Variants in UGGT2 observed in about 807,000 individuals in gnomAD.
The protein encoded by UGGT2 is UDP-glucose glycoprotein glucosyltransferase 2.
In UGGT2, 180 loss-of-function variants were observed where a neutral mutation model predicts 192.1. The ratio of observed to expected loss-of-function variants is 0.94; its 90% CI spans 0.83 to 1.06. The LOEUF (loss-of-function observed/expected upper bound fraction) is 1.06, where lower values mean the gene tolerates loss of function less well. Ranked by LOEUF, UGGT2 falls within the 50% of genes least tolerant of loss-of-function variation. The pLI is 0.00. For missense variants in UGGT2, 1,849 were observed against 1,795.7 expected (o/e 1.03, Z -0.54); for synonymous variants, 580 against 591.0 (o/e 0.98, Z 0.27).
chr13:95,931,806 G>A (rs9556509), intron 17 of UGGT2, among the ~76,000 whole-genome samples: 55,430 of 151,850 alleles, frequency 0.37, 10,439 homozygotes, highest in Middle Eastern at 0.42. Context: ...CCTGGTTCCC[G>A]CCCGCGCCTC....
chr13:96,028,696 T>TATTTACA (rs1054861482), intron 2 of UGGT2, among the ~76,000 whole-genome samples: 1 of 152,254 alleles, frequency 6.6e-6, no homozygotes, highest in Non-Finnish European at 1.5e-5. Flanking sequence ...AAATGTTCAA[T>TATTTACA]ATTTACAATT....
chr13:95,966,384 G>A (rs1263368636), intron 12 of UGGT2, among the ~76,000 whole-genome samples: 4 of 152,180 alleles, frequency 2.6e-5, no homozygotes, highest in Non-Finnish European at 4.4e-5. Flanking sequence ...ACCAGAGGCT[G>A]GGAAGGGCAT....
At chr13:95,885,764 T>C (rs1594233776) in intron 26 of UGGT2, among the ~76,000 whole-genome samples, 1 of 152,296 alleles carries the variant, frequency 6.6e-6, no homozygotes, top group East Asian at 1.9e-4. Flanking sequence ...GCAGTGGAAA[T>C]ATCAAAGAAA....
intron 20 of UGGT2, among the ~76,000 whole-genome samples, chr13:95,905,706 A>G (rs1037435221): frequency 2.0e-5 from 3 of 152,106 alleles, no homozygotes; most frequent in African/African-American, 4.8e-5. Flanking sequence ...GTAGCCTTGT[A>G]GTATAGTTTG....
At chr13:95,907,104 C>A (rs1302385621) in intron 20 of UGGT2, among the ~76,000 whole-genome samples, 2 of 152,236 alleles carry the variant, frequency 1.3e-5, no homozygotes, top group African/African-American at 4.8e-5. Context: ...CAAGGTGATT[C>A]TCTCCCGTGC....
intron 38 of UGGT2, among the ~76,000 whole-genome samples, chr13:95,807,716 C>T (rs201378127): frequency 0.19 from 14,797 of 78,820 alleles, 1,233 homozygotes; most frequent in Middle Eastern, 0.38. Context: ...CAGCCCTCAC[C>T]TTTTTTTTTT....
At position 95,875,922 on chromosome 13, in the gene UGGT2, A is replaced by G. The variant is rs575641804; in HGVS notation, c.3473+1357T>C. On this transcript the variant is annotated intron_variant, in intron 29 of 38. Coordinates refer to ENST00000376747, the MANE Select transcript of UGGT2 (RefSeq NM_020121.4). ...TGCTCAGTAAGTATTTATTGAAAGC[A>G]ATGAAATCTAGAGATATTTATTAAG... Among the ~76,000 whole-genome samples, 12 of 152,364 alleles carry G rather than the reference A, an allele frequency of 7.9e-5. No homozygotes were observed. The South Asian group carries it at 2.1e-3, about 26-fold the overall frequency.
intron 17 of UGGT2, among the ~76,000 whole-genome samples, chr13:95,928,915 A>C (rs2049142455): frequency 6.6e-6 from 1 of 152,160 alleles, no homozygotes; most frequent in Non-Finnish European, 1.5e-5. Context: ...ATTGAGCACT[A>C]AGTGAGCGAG....
At chr13:95,978,214 A>C (rs2051000474) in intron 10 of UGGT2, among the ~76,000 whole-genome samples, 1 of 152,052 alleles carries the variant, frequency 6.6e-6, no homozygotes. Flanking sequence ...GAGCAAACTT[A>C]CAAAAAAGAA....
intron 15 of UGGT2, among the ~76,000 whole-genome samples, chr13:95,941,220 G>A (rs2049669194): frequency 6.6e-6 from 1 of 152,176 alleles, no homozygotes; most frequent in Non-Finnish European, 1.5e-5. Context: ...ATATATCACT[G>A]AAGAATATTG....
In UGGT2 at chr13:95,983,676, C is replaced by G. The variant is rs943205281; in HGVS notation, c.1092+128G>C. 1.3e-4 allele frequency: 99 copies of G among 742,894 alleles called. 1 individual carries two copies. The highest frequency in any genetic ancestry group is 1.4e-5 in the Non-Finnish European group (6 of 442,486). 46.0% of individuals were successfully genotyped at this position (742,894 alleles called of 1,614,324 possible). A position where few individuals can be genotyped will look rare whatever the true frequency, so the allele number is the denominator to read the frequency against. ...AGTCCACAGTATAAAAATAGAAGAA[C>G]CCAGACTGTTTTAATAATCAAAAAA... On this transcript the variant is annotated intron_variant, in intron 10 of 38. Transcript: ENST00000376747.
chr13:95,930,069 C>T (rs913440802), intron 17 of UGGT2, among the ~76,000 whole-genome samples: 1 of 152,164 alleles, frequency 6.6e-6, no homozygotes, highest in African/African-American at 2.4e-5. Flanking sequence ...TTGTTGGCCG[C>T]CTGCGTGTCT....
intron 33 of UGGT2, among the ~76,000 whole-genome samples, chr13:95,857,308 T>C (rs1889710668): frequency 6.6e-6 from 1 of 152,118 alleles, no homozygotes; most frequent in African/African-American, 2.4e-5. Flanking sequence ...AAATATTCAC[T>C]GAAACGGGCA....
chr13:95,854,734 T>C (rs185661588), intron 34 of UGGT2, among the ~76,000 whole-genome samples: 94 of 152,286 alleles, frequency 6.2e-4, no homozygotes, highest in Non-Finnish European at 1.1e-3. Flanking sequence ...TGTTATGTCA[T>C]TTATAAACAA....
chr13:95,860,814 A>G lies in UGGT2; in HGVS notation c.3714T>C (p.Ser1238=). The part of the protein sequence containing the change: ...KDVLNIFSVA[S]GHLYERFLRI... ...TTAAAAAACGTTCATATAAATGACC[A>G]GAAGCAACTGAAAAAATGTTTAGGA... The change falls in exon 32 of 39, where the codon TCT becomes TCC. Residue 1238 remains serine (S), a synonymous_variant. Coordinates refer to ENST00000376747, the MANE Select transcript of UGGT2 (RefSeq NM_020121.4). 1.3e-6 allele frequency: 2 copies of G among 1,561,568 alleles called. No homozygotes were observed. Among genetic ancestry groups the G allele is most frequent in the Non-Finnish European group, 1.7e-6 (2 of 1,154,876 alleles).
intron 20 of UGGT2, among the ~76,000 whole-genome samples, chr13:95,910,982 A>G (rs188841268): frequency 6.6e-6 from 1 of 152,350 alleles, no homozygotes; most frequent in Non-Finnish European, 1.5e-5. Flanking sequence ...TTGATCCTGA[A>G]TGACTACTGG....
intron 38 of UGGT2, among the ~76,000 whole-genome samples, chr13:95,827,906 G>GC (rs1205551579): frequency 6.6e-6 from 1 of 152,116 alleles, no homozygotes; most frequent in Admixed American, 6.6e-5. Flanking sequence ...CAACCAGTTT[G>GC]AAGATCCCCA....
At chr13:95,968,538 C>T (rs2050662796) in intron 12 of UGGT2, among the ~76,000 whole-genome samples, 2 of 152,060 alleles carry the variant, frequency 1.3e-5, no homozygotes. Context: ...TGTGATGTGA[C>T]TTCTAGCAAG....
At chr13:95,875,670 T>C (rs1229949612) in intron 29 of UGGT2, among the ~76,000 whole-genome samples, 1 of 152,190 alleles carries the variant, frequency 6.6e-6, no homozygotes, top group Admixed American at 6.5e-5. Flanking sequence ...TCTTCAATTT[T>C]CTTGAGGTAC....
Sources: gnomAD v4.1 joint callset for allele counts (sites outside exome capture counted in the v4.1 genomes callset) on GRCh38, gnomAD v4.1.1 for gene constraint, MANE v1.5 for transcripts, NCBI Gene and HGNC (gene_info 2026-07-23, HGNC 2026-07-21) for gene names.